The following PREX2 variants were observed in gnomAD, a reference collection of about 807,000 sequenced individuals.
The protein encoded by PREX2 is phosphatidylinositol 3,4,5-trisphosphate-dependent Rac exchanger 2 protein.
In PREX2, 107 loss-of-function variants were observed where a neutral mutation model predicts 203.2. The observed-to-expected ratio is 0.53, with a 90% CI of 0.45 to 0.62. PREX2 has a LOEUF of 0.62. Among genes scored for constraint, PREX2 ranks in the 20% least tolerant of loss-of-function variants. The probability of loss-of-function intolerance (pLI) is 0.00; values close to 1 mark genes in which losing one functional copy is unlikely to be tolerated. For synonymous variants in PREX2, 672 were observed against 663.6 expected (o/e 1.01, Z -0.19); for missense variants, 1,777 against 1,955.9 (o/e 0.91, Z 1.72).
chr8:68,082,509 A>T (rs59602475), intron 17 of PREX2: 81,110 of 152,074 alleles, frequency 0.53, 21,637 homozygotes, highest in South Asian at 0.56. Flanking sequence ...AGTAATTGTC[A>T]ATGAGAAGGA....
chr8:68,217,535 T>C, intron 37 of PREX2, 81 bp from the exon 38 acceptor site: 1 of 1,000,726 alleles, frequency 1.0e-6, no homozygotes, highest in Non-Finnish European at 1.6e-6. Flanking sequence ...TGCTTTCTGA[T>C]TTTGTGATTA....
intron 35 of PREX2, among the ~76,000 whole-genome samples, chr8:68,160,624 G>T (rs993847340): frequency 6.6e-6 from 1 of 152,138 alleles, no homozygotes; most frequent in Non-Finnish European, 1.5e-5. Context: ...CACAGTTTTA[G>T]AATTTGAAAT....
chr8:68,051,371 T>C (rs1808522625), intron 8 of PREX2, among the ~76,000 whole-genome samples: 1 of 152,110 alleles, frequency 6.6e-6, no homozygotes, highest in African/African-American at 2.4e-5. Flanking sequence ...GTGGGATCTT[T>C]TAAGCTGCAG....
chr8:68,109,040 C>G, intron 24 of PREX2: 1 of 449,078 alleles, frequency 2.2e-6, no homozygotes, highest in South Asian at 1.6e-5. Flanking sequence ...GTAGCAGGGC[C>G]TGGGGTGGTT....
intron 30 of PREX2, 40 bp from the exon 31 acceptor site, chr8:68,127,334 CAGAA>C: frequency 6.9e-7 from 1 of 1,455,182 alleles, no homozygotes; most frequent in Non-Finnish European, 9.6e-7. Flanking sequence ...GTATTTGTGA[CAGAA>C]AGAGTGAACA....
intron 35 of PREX2, among the ~76,000 whole-genome samples, chr8:68,187,013 G>A (rs374373189): frequency 2.0e-5 from 3 of 151,648 alleles, no homozygotes; most frequent in African/African-American, 7.3e-5. Flanking sequence ...GCTCTTAACT[G>A]GCTGAATCAA....
intron 37 of PREX2, among the ~76,000 whole-genome samples, chr8:68,216,898 G>C (rs1812851136): frequency 6.6e-6 from 1 of 150,824 alleles, no homozygotes; most frequent in East Asian, 2.0e-4. Flanking sequence ...GGAGGCAGAG[G>C]TTGCAGTGAG....
intron 1 of PREX2, among the ~76,000 whole-genome samples, chr8:68,013,233 T>C (rs981906889): frequency 2.6e-5 from 4 of 152,166 alleles, no homozygotes; most frequent in Non-Finnish European, 4.4e-5. Context: ...AATGATTCTG[T>C]CCTTGTGCCT....
At chr8:67,977,802 T>C (rs1219964954) in intron 1 of PREX2, among the ~76,000 whole-genome samples, 1 of 152,196 alleles carries the variant, frequency 6.6e-6, no homozygotes, top group Non-Finnish European at 1.5e-5. Context: ...GGCTTCTGAA[T>C]AGCTGAACAT....
intron 31 of PREX2, among the ~76,000 whole-genome samples, chr8:68,129,453 A>C (rs1341087028): frequency 6.6e-6 from 1 of 152,088 alleles, no homozygotes; most frequent in Non-Finnish European, 1.5e-5. Context: ...AAAATACTTT[A>C]TATTTTTGGC....
intron 23 of PREX2, among the ~76,000 whole-genome samples, chr8:68,104,812 T>A (rs1313805688): frequency 6.6e-6 from 1 of 152,188 alleles, no homozygotes; most frequent in Non-Finnish European, 1.5e-5. Context: ...AAGTCATTGT[T>A]GGGTAAATGA....
At chr8:68,008,489 A>G (rs182757614) in intron 1 of PREX2, among the ~76,000 whole-genome samples, 2 of 152,300 alleles carry the variant, frequency 1.3e-5, no homozygotes, top group Admixed American at 1.3e-4. Context: ...ACTGACATGT[A>G]TTTTAAGTCA....
chr8:68,165,579 G>A, intron 35 of PREX2, among the ~76,000 whole-genome samples: 1 of 152,048 alleles, frequency 6.6e-6, no homozygotes, highest in African/African-American at 2.4e-5. Context: ...GTTTCAGGGA[G>A]GGAGTCAAAC....
At chr8:68,123,292 T>A (rs112946028) in intron 30 of PREX2, among the ~76,000 whole-genome samples, 3,290 of 152,134 alleles carry the variant, frequency 0.022, 103 homozygotes, top group African/African-American at 0.066. Context: ...GTTAGAAAGA[T>A]CTTGATTTAT....
intron 8 of PREX2, among the ~76,000 whole-genome samples, chr8:68,052,768 C>T (rs1475682485): frequency 6.6e-6 from 1 of 152,074 alleles, no homozygotes; most frequent in Admixed American, 6.5e-5. Context: ...GAAGAAAACA[C>T]CTTGCATGTT....
At chr8:68,136,984 C>T (rs771873278) in intron 32 of PREX2, among the ~76,000 whole-genome samples, 5 of 151,778 alleles carry the variant, frequency 3.3e-5, no homozygotes, top group African/African-American at 7.3e-5. Flanking sequence ...CAGCTCACTG[C>T]GACCTCTGGC....
chr8:68,005,611 G>T (rs781498226), intron 1 of PREX2, among the ~76,000 whole-genome samples: 7 of 152,094 alleles, frequency 4.6e-5, no homozygotes, highest in Non-Finnish European at 7.3e-5. Context: ...TGGTGCATTT[G>T]TCCACAGATC....
chr8:67,999,934 T>A (rs1411470295), intron 1 of PREX2, among the ~76,000 whole-genome samples: 2 of 152,156 alleles, frequency 1.3e-5, no homozygotes. Flanking sequence ...GTTAAAAAAC[T>A]CTCAATAAAC....
At chr8:68,121,129 T>G in intron 30 of PREX2, 80 bp downstream of exon 30, 1 of 1,413,812 alleles carries the variant, frequency 7.1e-7, no homozygotes, top group Non-Finnish European at 9.8e-7. Flanking sequence ...AGTTTGGTAA[T>G]GCCTGATTAT....
Sources: allele counts gnomAD v4.1 joint callset (sites outside exome capture counted in the v4.1 genomes callset), GRCh38; gene constraint gnomAD v4.1.1; transcripts MANE v1.5; gene names NCBI Gene and HGNC (gene_info 2026-07-23, HGNC 2026-07-21).